Variants in MGAT4C observed in about 807,000 individuals in gnomAD.
The protein encoded by MGAT4C is MGAT4 family member C.
Under a neutral mutation model 40.1 loss-of-function variants are expected in MGAT4C, and 19 were observed. That is an observed-to-expected ratio of 0.47 (90% CI 0.33 to 0.70). MGAT4C has a LOEUF of 0.70. Ranked by LOEUF, MGAT4C falls within the 30% of genes least tolerant of loss-of-function variation. The pLI, the probability that MGAT4C is intolerant of heterozygous loss-of-function variation, is 0.02. For synonymous variants in MGAT4C, 181 were observed against 187.1 expected, an observed-to-expected ratio of 0.97 and a Z score of 0.27; for missense variants, 491 against 563.2, an observed-to-expected ratio of 0.87 and a Z score of 1.30.
At chr12:86,412,194 C>G (rs1450701196) in intron 3 of MGAT4C, among the ~76,000 whole-genome samples, 2 of 152,202 alleles carry the variant, frequency 1.3e-5, no homozygotes, top group Admixed American at 1.3e-4. Flanking sequence ...GGAGGCCCCC[C>G]ACAGATTCCC....
chr12:86,524,672 C>T (rs1047447900), intron 2 of MGAT4C, among the ~76,000 whole-genome samples: 2 of 152,064 alleles, frequency 1.3e-5, no homozygotes, highest in Non-Finnish European at 2.9e-5. Context: ...ATCCAAATTG[C>T]TTATACTCTC....
intron 2 of MGAT4C, among the ~76,000 whole-genome samples, chr12:86,718,322 T>C (rs1950682123): frequency 6.6e-6 from 1 of 152,208 alleles, no homozygotes; most frequent in African/African-American, 2.4e-5. Flanking sequence ...AAACAGTAGC[T>C]TAAAACAGTA....
rs1170865788 is a variant in MGAT4C at position 86,566,073 on chromosome 12, T to C, written c.-228-130808A>G. Among the ~76,000 whole-genome samples the C allele has an allele frequency of 2.0e-5, 3 of 152,156 alleles. No homozygotes were observed. The East Asian group carries it at 5.8e-4, about 29-fold the overall frequency. On this transcript the variant is annotated intron_variant, in intron 2 of 7. Transcript: ENST00000548651. Reference sequence around the variant, plus strand: ...AGTTGATTATATTGGATCTCTTCTATCACGGAAAGGGCAGCAGTTTGTCCT... The same window carrying C: ...AGTTGATTATATTGGATCTCTTCTACCACGGAAAGGGCAGCAGTTTGTCCT...
intron 3 of MGAT4C, among the ~76,000 whole-genome samples, chr12:86,399,170 C>T (rs1021302400): frequency 3.3e-5 from 5 of 151,710 alleles, no homozygotes; most frequent in African/African-American, 1.2e-4. Flanking sequence ...CAGGGTTTCA[C>T]CATGTTGGCC....
chr12:86,614,238 T>C (rs886428845), intron 2 of MGAT4C, among the ~76,000 whole-genome samples: 3 of 152,116 alleles, frequency 2.0e-5, no homozygotes, highest in Admixed American at 2.0e-4. Context: ...GCAGATTACA[T>C]CCTCCAGAGA....
intron 1 of MGAT4C, among the ~76,000 whole-genome samples, chr12:86,190,111 C>T (rs1889210279): frequency 6.6e-6 from 1 of 151,910 alleles, no homozygotes; most frequent in East Asian, 1.9e-4. Context: ...TTCCACTTAG[C>T]TCTCAATAAA....
At chr12:86,191,632 A>ACAC (rs1889467849) in intron 1 of MGAT4C, among the ~76,000 whole-genome samples, 1 of 121,920 alleles carries the variant, frequency 8.2e-6, no homozygotes, top group African/African-American at 2.9e-5. Flanking sequence ...CAAAAAACAA[A>ACAC]ACACACACAC....
At chr12:86,539,013 T>A (rs1959126075) in intron 2 of MGAT4C, among the ~76,000 whole-genome samples, 1 of 152,038 alleles carries the variant, frequency 6.6e-6, no homozygotes, top group South Asian at 2.1e-4. Context: ...TTTTCATATA[T>A]TCTAAAAACT....
At chr12:86,254,739 G>T (rs1592598184) in intron 1 of MGAT4C, among the ~76,000 whole-genome samples, 1 of 152,058 alleles carries the variant, frequency 6.6e-6, no homozygotes, top group East Asian at 1.9e-4. Context: ...GCAAAAAATT[G>T]ACTCTAGATG....
At chr12:86,458,505 A>G (rs1957545310) in intron 2 of MGAT4C, among the ~76,000 whole-genome samples, 1 of 152,144 alleles carries the variant, frequency 6.6e-6, no homozygotes, top group Non-Finnish European at 1.5e-5. Context: ...CTCCATTTGG[A>G]AGAATGGAAC....
At chr12:86,449,239 G>GT (rs879892224) in intron 2 of MGAT4C, among the ~76,000 whole-genome samples, 1 of 152,124 alleles carries the variant, frequency 6.6e-6, no homozygotes, top group African/African-American at 2.4e-5. Flanking sequence ...ATATACTGGA[G>GT]TTTTTTAAGA....
chr12:86,823,374 T>C (rs1042114927), intron 1 of MGAT4C, among the ~76,000 whole-genome samples: 1 of 151,284 alleles, frequency 6.6e-6, no homozygotes, highest in Non-Finnish European at 1.5e-5. Flanking sequence ...GGCACATACT[T>C]AGATTTAAAA....
chr12:86,672,310 T>C (rs1168612695), intron 2 of MGAT4C, among the ~76,000 whole-genome samples: 2 of 152,036 alleles, frequency 1.3e-5, no homozygotes, highest in Non-Finnish European at 2.9e-5. Flanking sequence ...TTTAGGGCTA[T>C]ACGTGTCTGC....
intron 1 of MGAT4C, among the ~76,000 whole-genome samples, chr12:86,833,219 G>GGATA (rs1429427859): frequency 6.6e-6 from 1 of 151,762 alleles, no homozygotes; most frequent in African/African-American, 2.4e-5. Context: ...TCCTAGGAGA[G>GGATA]GATAAATTAT....
chr12:86,448,945 T>A (rs1957381543), intron 2 of MGAT4C, among the ~76,000 whole-genome samples: 1 of 152,176 alleles, frequency 6.6e-6, no homozygotes, highest in Non-Finnish European at 1.5e-5. Context: ...AGGCTTCAGA[T>A]CTTTATCATT....
At chr12:86,793,660 T>C (rs375483839) in intron 1 of MGAT4C, among the ~76,000 whole-genome samples, 1 of 152,042 alleles carries the variant, frequency 6.6e-6, no homozygotes, top group Non-Finnish European at 1.5e-5. Context: ...ATGTTTCCTA[T>C]GTAATAGTAT....
chr12:86,776,364 GT>G (rs571977855), intron 1 of MGAT4C, among the ~76,000 whole-genome samples: 23 of 149,534 alleles, frequency 1.5e-4, no homozygotes, highest in Admixed American at 5.4e-4. Context: ...ACTTATAACA[GT>G]TTTTTTTTTC....
chr12:86,585,318 TCA>T, intron 2 of MGAT4C, among the ~76,000 whole-genome samples: 1 of 151,586 alleles, frequency 6.6e-6, no homozygotes, highest in Admixed American at 6.6e-5. Flanking sequence ...CTACAGCCTT[TCA>T]GAGTTAATGT....
At chr12:86,792,279 A>G (rs1952035863) in intron 1 of MGAT4C, among the ~76,000 whole-genome samples, 1 of 152,214 alleles carries the variant, frequency 6.6e-6, no homozygotes, top group African/African-American at 2.4e-5. Context: ...TCAGTAATTA[A>G]GATATTCAAT....
Sources: allele counts gnomAD v4.1 joint callset (sites outside exome capture counted in the v4.1 genomes callset), GRCh38; gene constraint gnomAD v4.1.1; transcripts MANE v1.5; gene names NCBI Gene and HGNC (gene_info 2026-07-23, HGNC 2026-07-21).